GTF2A1: variants seen among roughly 807,000 people sequenced by gnomAD.
GTF2A1 encodes general transcription factor IIA subunit 1, also known as transcription initiation factor IIA subunit 1.
A neutral mutation model predicts 54.1 loss-of-function variants in GTF2A1; 12 were observed. The observed-to-expected ratio is 0.22, with a 90% confidence interval of 0.14 to 0.36. GTF2A1 has a LOEUF of 0.36. GTF2A1 is among the 10% of genes least tolerant of loss of function. The pLI is 1.00. For missense variants in GTF2A1, 335 were observed against 442.2 expected (o/e 0.76, Z 2.17); for synonymous variants, 145 against 152.0 (o/e 0.95, Z 0.34).
Position 81,220,752 on chromosome 14 carries a change from A to C in GTF2A1, c.-234T>G. On this transcript the variant is annotated 5_prime_UTR_variant, in exon 1 of 9. Transcript: ENST00000553612. Reference sequence around the variant, plus strand: ...AGAATCGCCTTAAAAAAAAAAAAAAAGCCACGACCCTTCAGGGGTCCGGGG... The same window carrying C: ...AGAATCGCCTTAAAAAAAAAAAAAACGCCACGACCCTTCAGGGGTCCGGGG... The C allele has an allele frequency of 5.6e-5, 19 of 339,668 alleles. No individual in the cohort carries two copies. The highest frequency in any genetic ancestry group is 6.3e-5 in the Non-Finnish European group (12 of 190,534). The allele number at this position is 339,668 out of a possible 1,614,324, so 21.0% of individuals were successfully genotyped here.
intron 2 of GTF2A1, among the ~76,000 whole-genome samples, chr14:81,211,285 T>C (rs1893358681): frequency 6.6e-6 from 1 of 152,166 alleles, no homozygotes; most frequent in Non-Finnish European, 1.5e-5. Context: ...TCCAAATTCC[T>C]AGTCTCTAAA....
At chr14:81,207,479 G>T (rs986139330) in intron 2 of GTF2A1, among the ~76,000 whole-genome samples, 6 of 152,086 alleles carry the variant, frequency 3.9e-5, no homozygotes, top group African/African-American at 1.4e-4. Context: ...TCCCAGTTTT[G>T]GGTATGTCTT....
rs1267531473 is a variant in GTF2A1, at chr14:81,220,629, T to C, written c.-111A>G. ...GAGGGTGACCCAAATCACCGCAAGA[T>C]TGGGGAAAAAATTTTAAACAAAATC... On this transcript the variant is annotated 5_prime_UTR_variant, in exon 1 of 9. Coordinates refer to ENST00000553612, the MANE Select transcript of GTF2A1 (RefSeq NM_015859.4). The C allele has an allele frequency of 3.2e-5, 26 of 802,650 alleles. No homozygotes were observed. Among genetic ancestry groups the C allele is most frequent in the African/African-American group, 1.0e-4 (5 of 50,000 alleles). The allele number at this position is 802,650 out of a possible 1,614,324, so 49.7% of individuals were successfully genotyped here.
At chr14:81,212,040 T>TTG (rs1893383449) in intron 2 of GTF2A1, among the ~76,000 whole-genome samples, 1 of 151,718 alleles carries the variant, frequency 6.6e-6, no homozygotes, top group Admixed American at 6.6e-5. Flanking sequence ...CAGAGGCCAG[T>TTG]TGTGCTGCTA....
upstream of GTF2A1, chr14:81,221,104 G>C (rs1361791387): frequency 2.0e-5 from 3 of 152,552 alleles, no homozygotes; most frequent in Non-Finnish European, 4.4e-5. Flanking sequence ...GGCGGGTACT[G>C]GACTGGCGGA....
chr14:81,215,436 T>G (rs1338714805), intron 2 of GTF2A1, among the ~76,000 whole-genome samples: 1 of 152,150 alleles, frequency 6.6e-6, no homozygotes, highest in Non-Finnish European at 1.5e-5. Flanking sequence ...AAAGAACCCT[T>G]GGGGAGAATC....
intron 2 of GTF2A1, among the ~76,000 whole-genome samples, chr14:81,207,375 T>C (rs1893261064): frequency 6.6e-6 from 1 of 152,184 alleles, no homozygotes; most frequent in Non-Finnish European, 1.5e-5. Flanking sequence ...TTTCTCTTGC[T>C]GCCAACACGT....
In GTF2A1 at chr14:81,210,563, G is replaced by GT. The variant is rs202183354; in HGVS notation, c.132+5849dup. ...CATACTAACATACGTTTTTGTTTTT[G>GT]TTTTTTTTGGATATGGAGTGTCACT... On this transcript the variant is annotated intron_variant, in intron 2 of 8. Coordinates refer to ENST00000553612, the MANE Select transcript of GTF2A1 (RefSeq NM_015859.4). Among the ~76,000 whole-genome samples, 9 of 151,724 alleles carry GT rather than the reference G, an allele frequency of 5.9e-5. No homozygotes were observed. In the South Asian group the frequency reaches 8.3e-4, roughly 14 times the overall value.
intron 2 of GTF2A1, among the ~76,000 whole-genome samples, chr14:81,204,663 G>A (rs1388959285): frequency 1.3e-5 from 2 of 152,170 alleles, no homozygotes; most frequent in Non-Finnish European, 2.9e-5. Context: ...GGCAACGCCC[G>A]AAGGTCTTAG....
chr14:81,188,281 G>A (rs759174882), intron 7 of GTF2A1, among the ~76,000 whole-genome samples: 1 of 152,202 alleles, frequency 6.6e-6, no homozygotes, highest in Non-Finnish European at 1.5e-5. Context: ...TCAGGAGGCT[G>A]AGGCAGAAAG....
chr14:81,220,355 AGCG>A (rs1472265778), intron 1 of GTF2A1, 131 bp downstream of exon 1: 292 of 339,612 alleles, frequency 8.6e-4, no homozygotes, highest in Non-Finnish European at 1.0e-3. Flanking sequence ...CGAGGCGGGA[AGCG>A]GCGGCGGCGG....
Position 81,220,508 on chromosome 14 carries a change from G to A in GTF2A1, c.11C>T (p.Ser4Leu). 6.3e-7 allele frequency: 1 copy of A among 1,578,278 alleles called. No individual in the cohort carries two copies. The highest frequency in any genetic ancestry group is 8.6e-7 in the Non-Finnish European group (1 of 1,161,750). The change falls in exon 1 of 9, where the codon TCG becomes TTG. Residue 4 changes from serine to leucine, a missense_variant. Physicochemically the swap from Ser to Leu is moderately radical, Grantham distance 145 (BLOSUM62 -2). Transcript: ENST00000553612. MAN[S>L]ANTNTVPKLY... ...CCTTACCACGGTGTTTGTATTTGCC[G>A]AGTTCGCCATTTCCACACACAACAC...
chr14:81,183,983 T>C (rs1272714931), intron 8 of GTF2A1, among the ~76,000 whole-genome samples: 9 of 152,182 alleles, frequency 5.9e-5, no homozygotes, highest in Non-Finnish European at 1.0e-4. Flanking sequence ...TCCTCCAATC[T>C]TCAGAGCAAT....
At chr14:81,209,725 G>A (rs553296270) in intron 2 of GTF2A1, 17 of 343,934 alleles carry the variant, frequency 4.9e-5, no homozygotes, top group African/African-American at 3.0e-4. Flanking sequence ...TATAGCATAC[G>A]TAACCTTAAT....
At chr14:81,202,641 G>A (rs970156927) in intron 3 of GTF2A1, 12 of 513,038 alleles carry the variant, frequency 2.3e-5, no homozygotes, top group Admixed American at 4.0e-5. Flanking sequence ...GGCAAAAGTC[G>A]GAAAAAATAC....
chr14:81,175,984 T>C lies in GTF2A1; in HGVS notation c.*4239A>G, dbSNP rs1892518186. On this transcript the variant is annotated 3_prime_UTR_variant, in exon 9 of 9. Transcript: ENST00000553612. Reference sequence around the variant, plus strand: ...CACAGTTTACTAATTCAAATTGACATCTCAATCTACTTATCTTTAAGGTAC... The same window carrying C: ...CACAGTTTACTAATTCAAATTGACACCTCAATCTACTTATCTTTAAGGTAC... The C allele has an allele frequency of 6.6e-6, 1 of 152,192 alleles. No homozygotes were observed. The highest frequency in any genetic ancestry group is 1.5e-5 in the Non-Finnish European group (1 of 68,008). 9.4% of individuals were successfully genotyped at this position (152,192 alleles called of 1,614,324 possible). A position where few individuals can be genotyped will look rare whatever the true frequency, so the allele number is the denominator to read the frequency against.
intron 7 of GTF2A1, among the ~76,000 whole-genome samples, chr14:81,192,044 G>A (rs1017644990): frequency 1.3e-5 from 2 of 152,158 alleles, no homozygotes; most frequent in African/African-American, 4.8e-5. Flanking sequence ...GGGTACATAG[G>A]TTTTTAAGGA....
chr14:81,214,891 C>A (rs1230927902), intron 2 of GTF2A1, among the ~76,000 whole-genome samples: 4 of 152,158 alleles, frequency 2.6e-5, no homozygotes, highest in Admixed American at 6.5e-5. Flanking sequence ...GTATCTGACC[C>A]TGTTTTTGCT....
rs146065657 is a variant in GTF2A1, at chr14:81,185,278, T to C, written c.1023+253A>G. Among the ~76,000 whole-genome samples, 96 of 152,322 alleles carry C rather than the reference T, an allele frequency of 6.3e-4. 2 individuals carry two copies. The East Asian group carries it at 0.018, about 28-fold the overall frequency. On this transcript the variant is annotated intron_variant, in intron 8 of 8. Coordinates refer to ENST00000553612, the MANE Select transcript of GTF2A1 (RefSeq NM_015859.4). ...TTACTCTGCTTACAAGTTCAAAGACTGTCTAAATAGAAAAAGAAGATCGTA... is the reference window on the plus strand; with the variant it reads ...TTACTCTGCTTACAAGTTCAAAGACCGTCTAAATAGAAAAAGAAGATCGTA...
Sources: allele counts gnomAD v4.1 joint callset (sites outside exome capture counted in the v4.1 genomes callset), GRCh38; gene constraint gnomAD v4.1.1; transcripts MANE v1.5; gene names NCBI Gene and HGNC (gene_info 2026-07-23, HGNC 2026-07-21).